The following ARHGAP20 variants were observed in gnomAD, a reference collection of about 807,000 sequenced individuals.
ARHGAP20 encodes Rho GTPase activating protein 20, also known as rho GTPase-activating protein 20.
A neutral mutation model predicts 73.7 loss-of-function variants in ARHGAP20; 34 were observed. The observed-to-expected ratio is 0.46, with a 90% CI of 0.35 to 0.61. The LOEUF is 0.61. ARHGAP20 is among the 20% of genes least tolerant of loss of function. The pLI is 0.00. For synonymous variants in ARHGAP20, 523 were observed against 518.2 expected (o/e 1.01, Z -0.13); for missense variants, 1,314 against 1,420.9 (o/e 0.92, Z 1.21).
intron 13 of ARHGAP20, among the ~76,000 whole-genome samples, chr11:110,582,853 G>C (rs947238870): frequency 1.3e-5 from 2 of 152,204 alleles, no homozygotes; most frequent in Admixed American, 6.5e-5. Context: ...CAGCTAGAAA[G>C]AAAACTTGTG....
rs774041818 is a variant in ARHGAP20 at position 110,580,771 on chromosome 11, C to G, written c.2175G>C (p.Lys725Asn). The G allele has an allele frequency of 3.1e-6, 5 of 1,613,844 alleles. No individual in the cohort carries two copies. In the South Asian group the frequency reaches 5.5e-5, roughly 18 times the overall value. Residue 725 changes from lysine (K) to asparagine (N), a missense_variant, in exon 15 of 15, where the codon AAG becomes AAC. Around this residue, in one of 3 missense-constraint regions of ARHGAP20, gnomAD observed 641 missense variants for 636.9 expected, o/e 1.01. Coordinates refer to ENST00000683387, the MANE Select transcript of ARHGAP20 (RefSeq NM_001384657.1). The stretch of plus-strand genomic sequence containing the variant: ...TTGCATCACAGCTGGACTTGCGTAG[C>G]TTTTTCTGATAAAACTCCCTGAGGT... ...LSYLREFYQK[K>N]LRKSSCDAIL...
intron 2 of ARHGAP20, among the ~76,000 whole-genome samples, chr11:110,687,818 CAATT>C (rs1320248328): frequency 6.6e-5 from 10 of 152,020 alleles, no homozygotes; most frequent in Non-Finnish European, 1.3e-4. Flanking sequence ...ATACTAAAGA[CAATT>C]AAGTAGTCAG....
At chr11:110,703,760 C>T (rs1188341904) in intron 1 of ARHGAP20, among the ~76,000 whole-genome samples, 1 of 152,074 alleles carries the variant, frequency 6.6e-6, no homozygotes, top group African/African-American at 2.4e-5. Flanking sequence ...GGCAAAGCTA[C>T]AAGTTTCAAC....
At chr11:110,642,541 T>C (rs1949099104) in intron 2 of ARHGAP20, among the ~76,000 whole-genome samples, 1 of 152,140 alleles carries the variant, frequency 6.6e-6, no homozygotes, top group Non-Finnish European at 1.5e-5. Flanking sequence ...TTTATTGAGA[T>C]AGTCACATGG....
chr11:110,711,776 C>T (rs986821371), intron 1 of ARHGAP20: 108 of 1,351,094 alleles, frequency 8.0e-5, no homozygotes, highest in Non-Finnish European at 9.6e-5. Flanking sequence ...AGGGGCACGG[C>T]GAGGGGTCGG....
At chr11:110,636,994 A>G (rs531137501) in intron 2 of ARHGAP20, among the ~76,000 whole-genome samples, 3 of 152,030 alleles carry the variant, frequency 2.0e-5, no homozygotes, top group Non-Finnish European at 4.4e-5. Context: ...ATCCAAGCAG[A>G]GTCTAGGAAT....
At chr11:110,589,692 G>T (rs551059273) in intron 11 of ARHGAP20, 7 of 985,386 alleles carry the variant, frequency 7.1e-6, no homozygotes, top group Admixed American at 1.2e-4. Context: ...AAACATTTTA[G>T]AACTCTCTAT....
chr11:110,710,132 T>C (rs1050386461), intron 1 of ARHGAP20, among the ~76,000 whole-genome samples: 2 of 152,184 alleles, frequency 1.3e-5, no homozygotes, highest in African/African-American at 2.4e-5. Context: ...GAATTACAGA[T>C]ATAGGGATGT....
At chr11:110,606,872 T>C (rs1332853151) in intron 8 of ARHGAP20, 123 bp from the exon 9 acceptor site, 1 of 832,114 alleles carries the variant, frequency 1.2e-6, no homozygotes, top group Non-Finnish European at 1.7e-6. Flanking sequence ...TCCCTTTGTT[T>C]GACAGAATGA....
chr11:110,653,177 C>A (rs192542867), intron 2 of ARHGAP20, among the ~76,000 whole-genome samples: 26 of 152,172 alleles, frequency 1.7e-4, no homozygotes, highest in African/African-American at 6.3e-4. Flanking sequence ...GATTTCATGA[C>A]GAAAATGTCA....
intron 1 of ARHGAP20, chr11:110,711,876 G>A (rs1483728390): frequency 2.3e-6 from 3 of 1,312,542 alleles, no homozygotes; most frequent in East Asian, 3.1e-5. Flanking sequence ...CGGGAGGGAG[G>A]CTGCGAGGTC....
intron 13 of ARHGAP20, 109 bp downstream of exon 13, chr11:110,583,439 A>T (rs1947528223): frequency 9.9e-7 from 1 of 1,010,446 alleles, no homozygotes; most frequent in African/African-American, 1.6e-5. Context: ...ATTTATAAGG[A>T]TACGGTATAT....
chr11:110,644,725 G>T (rs1173502184), intron 2 of ARHGAP20, among the ~76,000 whole-genome samples: 1 of 152,050 alleles, frequency 6.6e-6, no homozygotes, highest in Non-Finnish European at 1.5e-5. Context: ...CTCAATATTG[G>T]CCTTGACAAG....
intron 2 of ARHGAP20, among the ~76,000 whole-genome samples, chr11:110,650,749 AG>A (rs1384124851): frequency 6.6e-6 from 1 of 152,170 alleles, no homozygotes; most frequent in Non-Finnish European, 1.5e-5. Flanking sequence ...CTAAAAAGTG[AG>A]AAAAAGTTAA....
In ARHGAP20 at chr11:110,579,310, T is replaced by C; in HGVS notation, c.*60A>G. On this transcript the variant is annotated 3_prime_UTR_variant, in exon 15 of 15. Coordinates refer to ENST00000683387, the MANE Select transcript of ARHGAP20 (RefSeq NM_001384657.1). ...ATCTTATACAAAGGGGTCATAATAA[T>C]TATTGTCTATTATTATTAACCCAGT... 1 of 1,501,878 alleles carries C rather than the reference T, an allele frequency of 6.7e-7. No individual in the cohort carries two copies. The highest frequency in any genetic ancestry group is 2.2e-5 in the Admixed American group (1 of 46,266). 93.0% of individuals were successfully genotyped at this position (1,501,878 alleles called of 1,614,324 possible).
intron 2 of ARHGAP20, among the ~76,000 whole-genome samples, chr11:110,648,154 A>T (rs972403741): frequency 7.6e-6 from 1 of 131,316 alleles, no homozygotes; most frequent in East Asian, 2.1e-4. Flanking sequence ...TGATATATAT[A>T]ATATATATAT....
chr11:110,586,991 C>T (rs1371288216), intron 11 of ARHGAP20, among the ~76,000 whole-genome samples: 2 of 152,136 alleles, frequency 1.3e-5, no homozygotes, highest in Non-Finnish European at 2.9e-5. Flanking sequence ...CTGATGTATG[C>T]TAAATAACAT....
chr11:110,686,509 T>C (rs1292969545), intron 2 of ARHGAP20, among the ~76,000 whole-genome samples: 2 of 152,162 alleles, frequency 1.3e-5, no homozygotes, highest in Non-Finnish European at 2.9e-5. Flanking sequence ...ATAACAAATA[T>C]GTATTACTTT....
rs1488926688 is a variant in ARHGAP20, at chr11:110,597,623, CAAAAT to C, written c.965-5473_965-5469del. 3.3e-5 allele frequency among the ~76,000 whole-genome samples: 5 copies of C among 152,204 alleles called. No individual in the cohort carries two copies. The East Asian group carries it at 9.6e-4, about 29-fold the overall frequency. ...CTGATTTTATTATTTCTAAAACAAT[CAAAAT>C]AAAAACTTATTTGATTTTTTAGCTT... is the stretch of plus-strand genomic sequence containing the variant. On this transcript the variant is annotated intron_variant, in intron 9 of 14. Transcript: ENST00000683387.
Sources: gnomAD v4.1 joint callset for allele counts (sites outside exome capture counted in the v4.1 genomes callset) on GRCh38, gnomAD v4.1.1 for gene constraint, gnomAD v4.1.1 regional missense constraint, MANE v1.5 for transcripts, NCBI Gene and HGNC (gene_info 2026-07-23, HGNC 2026-07-21) for gene names.